The following CFAP263 variants were observed in gnomAD, a reference collection of about 807,000 sequenced individuals.
The protein encoded by CFAP263 is cilia and flagella associated protein 263.
chr16:58,259,913 A>G, the CFAP263 span: 13 of 1,605,086 alleles, frequency 8.1e-6, no homozygotes, highest in Non-Finnish European at 1.1e-5. Context: ...AGAGGAAAAA[A>G]ATGCTTTTAC....
chr16:58,270,666 A>T, the CFAP263 span, among the ~76,000 whole-genome samples: 1 of 152,132 alleles, frequency 6.6e-6, no homozygotes, highest in African/African-American at 2.4e-5. Context: ...TTTTGGTGTC[A>T]TATATAAGAA....
chr16:58,269,204 A>G, the CFAP263 span, among the ~76,000 whole-genome samples: 8 of 152,140 alleles, frequency 5.3e-5, no homozygotes, highest in African/African-American at 1.7e-4. Flanking sequence ...GGTGGTGGGC[A>G]CCTGTAGTCC....
the CFAP263 span, among the ~76,000 whole-genome samples, chr16:58,271,289 T>C: frequency 6.6e-6 from 1 of 152,314 alleles, no homozygotes; most frequent in South Asian, 2.1e-4. Flanking sequence ...CTTTTTATTT[T>C]AGAAATTTTA....
chr16:58,277,364 A>G, the CFAP263 span, among the ~76,000 whole-genome samples: 1 of 152,128 alleles, frequency 6.6e-6, no homozygotes, highest in Non-Finnish European at 1.5e-5. Context: ...CCTGACCTCA[A>G]GTGATCCGCC....
At chr16:58,262,086 C>T in the CFAP263 span, among the ~76,000 whole-genome samples, 1 of 152,020 alleles carries the variant, frequency 6.6e-6, no homozygotes, top group Admixed American at 6.6e-5. Flanking sequence ...TGCCCTCTGC[C>T]CCCACTCCCC....
At chr16:58,267,882 T>G in the CFAP263 span, among the ~76,000 whole-genome samples, 1 of 152,166 alleles carries the variant, frequency 6.6e-6, no homozygotes, top group Non-Finnish European at 1.5e-5. Context: ...AGTACAATAT[T>G]CGATGTTTCG....
At chr16:58,268,043 A>AAGAG in the CFAP263 span, among the ~76,000 whole-genome samples, 11 of 92,176 alleles carry the variant, frequency 1.2e-4, no homozygotes, top group Non-Finnish European at 1.8e-4. Context: ...GAGAGAGAGG[A>AAGAG]AGAGAGAGAG....
the CFAP263 span, among the ~76,000 whole-genome samples, chr16:58,266,405 ATTTTTTTTTTTT>A: frequency 6.5e-3 from 205 of 31,392 alleles, 2 homozygotes; most frequent in African/African-American, 0.019. Flanking sequence ...ATATATATAT[ATTTTTTTTTTTT>A]TTTTTTTTTT....
chr16:58,279,724 C>A, the CFAP263 span: 3 of 1,611,340 alleles, frequency 1.9e-6, no homozygotes, highest in Admixed American at 3.3e-5. Context: ...GGCTTGGAAT[C>A]GAATGAAAAT....
chr16:58,280,105 G>T, the CFAP263 span: 2 of 1,023,758 alleles, frequency 2.0e-6, no homozygotes, highest in African/African-American at 1.6e-5. Context: ...GTATGCCATG[G>T]GCTTATCCGT....
the CFAP263 span, among the ~76,000 whole-genome samples, chr16:58,272,716 T>C: frequency 2.6e-5 from 4 of 152,286 alleles, no homozygotes; most frequent in South Asian, 8.3e-4. Context: ...GGTTGGCCAT[T>C]GGGAGCTCTT....
the CFAP263 span, chr16:58,279,861 T>C: frequency 9.2e-7 from 1 of 1,086,232 alleles, no homozygotes; most frequent in Non-Finnish European, 1.4e-6. Context: ...CCTCTCACTG[T>C]TCCCTGTCTG....
the CFAP263 span, chr16:58,279,641 C>A: frequency 1.4e-6 from 2 of 1,446,184 alleles, no homozygotes; most frequent in Non-Finnish European, 1.9e-6. Context: ...TGACTTTCTC[C>A]CCCATCTCCT....
chr16:58,256,897 A>G, the CFAP263 span, among the ~76,000 whole-genome samples: 2 of 152,086 alleles, frequency 1.3e-5, no homozygotes, highest in South Asian at 2.1e-4. Flanking sequence ...GTTGAAAAAT[A>G]CAGTTAAGCT....
At chr16:58,258,597 G>A in the CFAP263 span, 1 of 1,408,592 alleles carries the variant, frequency 7.1e-7, no homozygotes. Context: ...TCCATGTGAA[G>A]CAGCCTAGCT....
the CFAP263 span, among the ~76,000 whole-genome samples, chr16:58,261,489 G>A: frequency 1.3e-5 from 2 of 152,186 alleles, no homozygotes; most frequent in African/African-American, 2.4e-5. Context: ...CTGCCCTTGC[G>A]AGCTCATAGA....
the CFAP263 span, among the ~76,000 whole-genome samples, chr16:58,264,139 G>C: frequency 6.6e-6 from 1 of 152,166 alleles, no homozygotes; most frequent in Non-Finnish European, 1.5e-5. Context: ...TCTACTTTTA[G>C]CTTCTCTCAT....
chr16:58,274,811 A>G, the CFAP263 span, among the ~76,000 whole-genome samples: 1 of 152,212 alleles, frequency 6.6e-6, no homozygotes, highest in South Asian at 2.1e-4. Context: ...TCCCTGGGCA[A>G]AACTTCTGCA....
At chr16:58,267,963 CA>C in the CFAP263 span, among the ~76,000 whole-genome samples, 1 of 145,644 alleles carries the variant, frequency 6.9e-6, no homozygotes, top group Non-Finnish European at 1.5e-5. Context: ...GTGCATATGC[CA>C]AAATAGAATG....
Sources: gnomAD v4.1 joint callset for allele counts (sites outside exome capture counted in the v4.1 genomes callset) on GRCh38, gnomAD v4.1.1 for gene constraint, MANE v1.5 for transcripts, NCBI Gene and HGNC (gene_info 2026-07-23, HGNC 2026-07-21) for gene names.